The following PRAG1 variants were observed in gnomAD, a reference collection of about 807,000 sequenced individuals.
The protein encoded by PRAG1 is inactive tyrosine-protein kinase PRAG1.
A neutral mutation model predicts 95.6 loss-of-function variants in PRAG1; 110 were observed. That is an observed-to-expected ratio of 1.15 (90% CI 0.99 to 1.35). The LOEUF (loss-of-function observed/expected upper bound fraction) is 1.35. PRAG1 is among the 40% of genes most tolerant of loss of function. The pLI is 0.00. For synonymous variants in PRAG1, 1,052 were observed against 819.4 expected, an observed-to-expected ratio of 1.28 and a Z score of -4.85; for missense variants, 2,554 against 1,864.7, an observed-to-expected ratio of 1.37 and a Z score of -6.81.
intron 1 of PRAG1, among the ~76,000 whole-genome samples, chr8:8,384,043 C>T (rs187361315): frequency 2.6e-5 from 4 of 152,280 alleles, no homozygotes; most frequent in South Asian, 2.1e-4. Flanking sequence ...GCCTGCTCCG[C>T]GGGATGGAGG....
rs1228578048 is a variant in PRAG1 at position 8,318,660 on chromosome 8, G to A, written c.3715C>T (p.Leu1239=). ...GAAGCAGACACGATCTCGGGGGCCA[G>A]CCGGGCCTGGCTCTTCTTCTGCTGC... ...NLQQKKSQAR[L]APEIVSASQY... Residue 1239 remains leucine (L), a synonymous_variant, in exon 6 of 6, where the codon CTG becomes TTG. Transcript: ENST00000615670. This position sits in a 1 kb window ranked among gnomAD's most constrained non-coding sequence, Gnocchi z 4.2. 5 of 1,611,808 alleles carry A rather than the reference G, an allele frequency of 3.1e-6. No individual in the cohort carries two copies. The highest frequency in any genetic ancestry group is 2.7e-5 in the African/African-American group (2 of 74,932).
chr8:8,331,419 G>A (rs539082603), intron 4 of PRAG1, among the ~76,000 whole-genome samples: 20 of 152,204 alleles, frequency 1.3e-4, no homozygotes, highest in Middle Eastern at 3.4e-3. Flanking sequence ...GAAAATGACC[G>A]ATGACATCAT....
At position 8,318,459 on chromosome 8, in the gene PRAG1, G is replaced by A. The variant is rs553699148; in HGVS notation, c.3916C>T (p.Leu1306=). 12 of 1,612,350 alleles carry A rather than the reference G, an allele frequency of 7.4e-6. 1 individual carries two copies. The African/African-American group carries it at 1.2e-4, about 16-fold the overall frequency. Reference sequence around the variant, plus strand: ...TTGATGGGGTCGGCCTCCAGTAGCAGATGTGCCAGCTGCTGCAGGCCGGGT... The same window carrying A: ...TTGATGGGGTCGGCCTCCAGTAGCAAATGTGCCAGCTGCTGCAGGCCGGGT... ...YSPGLQQLAH[L]LLEADPIKRI... is the part of the protein sequence containing the mutation. The change falls in exon 6 of 6, where the codon CTG becomes TTG. Residue 1306 remains leucine, a synonymous_variant. Coordinates refer to ENST00000615670, the MANE Select transcript of PRAG1 (RefSeq NM_001080826.3). This position sits in a 1 kb window ranked among gnomAD's most constrained non-coding sequence, Gnocchi z 4.2.
At chr8:8,358,158 A>G (rs1380284553) in intron 3 of PRAG1, among the ~76,000 whole-genome samples, 3 of 152,216 alleles carry the variant, frequency 2.0e-5, no homozygotes, top group Non-Finnish European at 4.4e-5. Context: ...GGGTTCAATT[A>G]ATTTGTTAGA....
chr8:8,364,729 T>G (rs1156551793), intron 3 of PRAG1, among the ~76,000 whole-genome samples: 1 of 152,092 alleles, frequency 6.6e-6, no homozygotes, highest in African/African-American at 2.4e-5. Context: ...GTAAGCAATC[T>G]GTACTTTTCC....
chr8:8,338,447 T>C (rs1399522242), intron 4 of PRAG1, among the ~76,000 whole-genome samples: 1 of 152,226 alleles, frequency 6.6e-6, no homozygotes, highest in Non-Finnish European at 1.5e-5. Context: ...CACTGCCCTC[T>C]ATGGAATAAT....
chr8:8,337,599 C>T (rs1363582283), intron 4 of PRAG1, among the ~76,000 whole-genome samples: 2 of 152,192 alleles, frequency 1.3e-5, no homozygotes, highest in Non-Finnish European at 2.9e-5. Context: ...GGTTGGCTCT[C>T]AGGGGCTAGA....
At position 8,382,973 on chromosome 8, in the gene PRAG1, T is replaced by G. The variant is rs1800733676; in HGVS notation, c.-87-1139A>C. On this transcript the variant is annotated intron_variant, in intron 1 of 5. Transcript: ENST00000615670. The stretch of plus-strand genomic sequence containing the variant: ...CTTAGCCTATTTAAAATAAACTGAC[T>G]TCCCATAAGGAGAATGTTCAAGAGC... Among the ~76,000 whole-genome samples the G allele has an allele frequency of 2.6e-5, 4 of 152,172 alleles. No homozygotes were observed. The South Asian group carries it at 6.2e-4, about 24-fold the overall frequency.
At chr8:8,364,494 A>C (rs1799942286) in intron 3 of PRAG1, among the ~76,000 whole-genome samples, 1 of 152,130 alleles carries the variant, frequency 6.6e-6, no homozygotes, top group Admixed American at 6.5e-5. Flanking sequence ...GAAATCCTTA[A>C]TTTGATGAAG....
chr8:8,349,526 C>G (rs905930939), intron 3 of PRAG1, among the ~76,000 whole-genome samples: 1 of 152,116 alleles, frequency 6.6e-6, no homozygotes, highest in Non-Finnish European at 1.5e-5. Flanking sequence ...TCGTGATCCA[C>G]CTGCCTCGGC....
intron 4 of PRAG1, among the ~76,000 whole-genome samples, chr8:8,334,820 T>C (rs1798936356): frequency 6.6e-6 from 1 of 151,968 alleles, no homozygotes; most frequent in South Asian, 2.1e-4. Context: ...CAGTCGCTCA[T>C]GCCTGTAATT....
At position 8,376,594 on chromosome 8, in the gene PRAG1, A is replaced by G; in HGVS notation, c.1815T>C (p.Ala605=). The G allele has an allele frequency of 6.2e-7, 1 of 1,604,904 alleles. No homozygotes were observed. Among genetic ancestry groups the G allele is most frequent in the East Asian group, 2.2e-5 (1 of 44,692 alleles). Residue 605 remains alanine, a synonymous_variant, in exon 3 of 6, where the codon GCT becomes GCC. Coordinates refer to ENST00000615670, the MANE Select transcript of PRAG1 (RefSeq NM_001080826.3). ...PAPSCRTNGV[A]ISDPSRCPQP... Reference sequence around the variant, plus strand: ...GGGGACACCTGGATGGGTCACTGATAGCGACACCGTTGGTCCGGCAGGAAG... The same window carrying G: ...GGGGACACCTGGATGGGTCACTGATGGCGACACCGTTGGTCCGGCAGGAAG...
Position 8,381,601 on chromosome 8 carries a change from G to C in PRAG1, c.147C>G (p.Pro49=). The C allele has an allele frequency of 6.2e-7, 1 of 1,613,942 alleles. No homozygotes were observed. Among genetic ancestry groups the C allele is most frequent in the Non-Finnish European group, 8.5e-7 (1 of 1,179,902 alleles). The change falls in exon 2 of 6, where the codon CCC becomes CCG. Residue 49 remains proline, a synonymous_variant. Transcript: ENST00000615670. ...DHQLVAGPPQ[P]RAGSLPPPPR... ...GTGGAGGGGGCAGGCTGCCCGCTCT[G>C]GGCTGGGGAGGGCCGGCCACCAGCT...
chr8:8,383,350 C>T (rs541960299), intron 1 of PRAG1, among the ~76,000 whole-genome samples: 9 of 152,260 alleles, frequency 5.9e-5, no homozygotes, highest in African/African-American at 1.4e-4. Flanking sequence ...GCAGGACGAT[C>T]GCTTGAGCCC....
rs558043671 is a variant in PRAG1 at position 8,372,167 on chromosome 8, C to A, written c.2162+4080G>T. Among the ~76,000 whole-genome samples, 171 of 152,296 alleles carry A rather than the reference C, an allele frequency of 1.1e-3. 2 individuals carry two copies. The South Asian group carries it at 0.014, about 13-fold the overall frequency. On this transcript the variant is annotated intron_variant, in intron 3 of 5. Coordinates refer to ENST00000615670, the MANE Select transcript of PRAG1 (RefSeq NM_001080826.3). ...CTGTGAAAAAGCAAAAGGCAGAAAG[C>A]AATTTGGTTCTTTCTCATCTTAATT...
chr8:8,326,295 A>T (rs906949135), intron 5 of PRAG1, among the ~76,000 whole-genome samples: 45 of 150,630 alleles, frequency 3.0e-4, no homozygotes, highest in African/African-American at 1.1e-3. Flanking sequence ...TATTATTTTT[A>T]AAATGTTAGC....
chr8:8,336,644 G>A (rs2117137912), intron 4 of PRAG1, among the ~76,000 whole-genome samples: 1 of 152,244 alleles, frequency 6.6e-6, no homozygotes, highest in South Asian at 2.1e-4. Flanking sequence ...TTTTAAAAAT[G>A]TAACAAAGTA....
intron 5 of PRAG1, 107 bp downstream of exon 5, chr8:8,327,603 C>T: frequency 7.9e-7 from 1 of 1,257,974 alleles, no homozygotes; most frequent in South Asian, 1.6e-5. Context: ...GGAATCAACT[C>T]CCCTCCTAAT....
chr8:8,365,756 A>C (rs925997952), intron 3 of PRAG1, among the ~76,000 whole-genome samples: 1 of 151,934 alleles, frequency 6.6e-6, no homozygotes, highest in African/African-American at 2.4e-5. Context: ...TGAGGTCAGG[A>C]GTTTGGGACC....
Sources: allele counts gnomAD v4.1 joint callset (sites outside exome capture counted in the v4.1 genomes callset), GRCh38; gene constraint gnomAD v4.1.1; non-coding constraint Gnocchi (gnomAD v3.1); transcripts MANE v1.5; gene names NCBI Gene and HGNC (gene_info 2026-07-23, HGNC 2026-07-21).